VPS41: variants seen among roughly 807,000 people sequenced by gnomAD.
The protein encoded by VPS41 is VPS41 subunit of HOPS complex, also known as vacuolar protein sorting-associated protein 41 homolog.
Under a neutral mutation model 130.9 loss-of-function variants are expected in VPS41, and 85 were observed. The observed-to-expected ratio is 0.65, with a 90% CI of 0.55 to 0.78. The LOEUF (loss-of-function observed/expected upper bound fraction) is 0.78, where lower values mean the gene tolerates loss of function less well. Ranked by LOEUF, VPS41 falls within the 30% of genes least tolerant of loss-of-function variation. The pLI, the probability that VPS41 is intolerant of heterozygous loss-of-function variation, is 0.00. For synonymous variants in VPS41, 335 were observed against 332.9 expected (o/e 1.01, Z -0.07); for missense variants, 874 against 1,018.7 (o/e 0.86, Z 1.93).
rs1786038254 is a variant in VPS41 at position 38,858,729 on chromosome 7, C to A, written c.246+3816G>T. Among the ~76,000 whole-genome samples the A allele has an allele frequency of 1.3e-5, 2 of 152,282 alleles. 1 individual carries two copies. Among genetic ancestry groups the A allele is most frequent in the South Asian group, 4.1e-4 (2 of 4,830 alleles). ...CTGTGATGATGCTAGTGTAAACAAA[C>A]CTAGTCAGCTGCCACTCATATAAAG... On this transcript the variant is annotated intron_variant, in intron 4 of 28. Transcript: ENST00000310301.
chr7:38,813,442 T>A (rs1476878259), intron 7 of VPS41, among the ~76,000 whole-genome samples: 1 of 152,108 alleles, frequency 6.6e-6, no homozygotes, highest in Non-Finnish European at 1.5e-5. Flanking sequence ...TAAAATTAGC[T>A]TACGTTGATG....
intron 2 of VPS41, among the ~76,000 whole-genome samples, chr7:38,873,417 T>G (rs35995292): frequency 0.32 from 48,770 of 151,680 alleles, 8,359 homozygotes; most frequent in Admixed American, 0.5. Flanking sequence ...TCTAGTAGAT[T>G]ATAGAGTTTC....
intron 12 of VPS41, among the ~76,000 whole-genome samples, chr7:38,773,779 T>C (rs1784199804): frequency 6.6e-6 from 1 of 152,004 alleles, no homozygotes; most frequent in African/African-American, 2.4e-5. Flanking sequence ...AAAATGGGAG[T>C]GATATGACAA....
At chr7:38,739,192 T>A (rs2286105) in intron 25 of VPS41, among the ~76,000 whole-genome samples, 37,715 of 152,018 alleles carry the variant, frequency 0.25, 5,590 homozygotes, top group East Asian at 0.43. Flanking sequence ...TGACCATAGA[T>A]CCCTACATTA....
chr7:38,869,339 G>A (rs1786296468), intron 2 of VPS41, 86 bp from the exon 3 acceptor site: 8 of 842,240 alleles, frequency 9.5e-6, no homozygotes, highest in Non-Finnish European at 1.3e-5. Context: ...GAGAGAACCA[G>A]AGATGGTTCC....
At chr7:38,739,697 G>A (rs2286104) in intron 25 of VPS41, among the ~76,000 whole-genome samples, 34,222 of 152,064 alleles carry the variant, frequency 0.23, 4,398 homozygotes, top group East Asian at 0.43. Flanking sequence ...AGCTTCCACA[G>A]GCTCTGCTGC....
chr7:38,741,771 C>CTT, intron 25 of VPS41, among the ~76,000 whole-genome samples: 1 of 152,274 alleles, frequency 6.6e-6, no homozygotes, highest in South Asian at 2.1e-4. Flanking sequence ...AAATAGCCTT[C>CTT]TTAAGGCCTT....
At chr7:38,828,574 C>T (rs1785325454) in intron 5 of VPS41, among the ~76,000 whole-genome samples, 1 of 152,104 alleles carries the variant, frequency 6.6e-6, no homozygotes, top group Non-Finnish European at 1.5e-5. Context: ...AACCACTTTA[C>T]CAGATCATTC....
intron 4 of VPS41, among the ~76,000 whole-genome samples, chr7:38,847,871 G>A (rs1011706771): frequency 2.0e-5 from 3 of 152,198 alleles, no homozygotes; most frequent in African/African-American, 7.2e-5. Context: ...ACATTTGAGA[G>A]AGTAAAGCCC....
chr7:38,734,342 A>G (rs1243945611), intron 25 of VPS41, among the ~76,000 whole-genome samples: 3 of 152,034 alleles, frequency 2.0e-5, no homozygotes, highest in African/African-American at 7.3e-5. Context: ...TTCCTTCCAT[A>G]GTTCTAAGTT....
chr7:38,863,084 T>C (rs59995998), intron 3 of VPS41, among the ~76,000 whole-genome samples: 7,424 of 152,324 alleles, frequency 0.049, 221 homozygotes, highest in Middle Eastern at 0.12. Flanking sequence ...GGAAAATCCA[T>C]GCCATATTGA....
intron 4 of VPS41, among the ~76,000 whole-genome samples, chr7:38,861,769 T>C (rs1786119304): frequency 6.6e-6 from 1 of 152,146 alleles, no homozygotes; most frequent in Non-Finnish European, 1.5e-5. Flanking sequence ...TACACAACCA[T>C]GGAAGTTCTT....
At chr7:38,798,586 C>T (rs890649176) in intron 7 of VPS41, among the ~76,000 whole-genome samples, 3 of 152,166 alleles carry the variant, frequency 2.0e-5, no homozygotes. Context: ...AGCAACCACG[C>T]CTGGCCACAA....
intron 16 of VPS41, 40 bp downstream of exon 16, chr7:38,765,540 A>G: frequency 7.7e-7 from 1 of 1,295,108 alleles, no homozygotes; most frequent in Non-Finnish European, 1.1e-6. Flanking sequence ...TTAATATACT[A>G]CTTGCAGAAA....
chr7:38,862,581 A>C lies in VPS41; in HGVS notation c.210T>G (p.Leu70=). The change falls in exon 4 of 29, where the codon CTT becomes CTG. Residue 70 remains leucine (L), a synonymous_variant. Transcript: ENST00000310301. ...TCTGAGTGATGTTCCCCTGGACATC[A>C]AGTAAATAAACCTTGCCATAATGTG... ...LGTHYGKVYL[L]DVQGNITQKF... The C allele has an allele frequency of 6.2e-7, 1 of 1,610,912 alleles. No individual in the cohort carries two copies.
At chr7:38,819,322 T>C (rs1175929700) in intron 6 of VPS41, among the ~76,000 whole-genome samples, 3 of 152,250 alleles carry the variant, frequency 2.0e-5, no homozygotes, top group Non-Finnish European at 4.4e-5. Context: ...TCTCATTGCT[T>C]AGTGCTGCTC....
At chr7:38,830,226 T>C (rs1562601965) in intron 5 of VPS41, 28 bp downstream of exon 5, 12 of 1,525,022 alleles carry the variant, frequency 7.9e-6, no homozygotes, top group Non-Finnish European at 1.0e-5. Context: ...GCCACAGAAC[T>C]CTCTGCATGA....
intron 10 of VPS41, among the ~76,000 whole-genome samples, chr7:38,781,450 C>T (rs933284485): frequency 1.3e-5 from 2 of 152,152 alleles, no homozygotes; most frequent in Non-Finnish European, 2.9e-5. Flanking sequence ...TCACTATTTT[C>T]GGATACACAG....
At chr7:38,749,697 A>G (rs1584373231) in intron 22 of VPS41, among the ~76,000 whole-genome samples, 1 of 152,210 alleles carries the variant, frequency 6.6e-6, no homozygotes, top group East Asian at 1.9e-4. Context: ...CAAAACAGGC[A>G]GACAGGTATT....
Sources: allele counts gnomAD v4.1 joint callset (sites outside exome capture counted in the v4.1 genomes callset), GRCh38; gene constraint gnomAD v4.1.1; transcripts MANE v1.5; gene names NCBI Gene and HGNC (gene_info 2026-07-23, HGNC 2026-07-21).